Variants in TP63 observed in about 807,000 individuals in gnomAD.
The protein encoded by TP63 is tumor protein p63, also known as tumor protein 63.
Under a neutral mutation model 82.8 loss-of-function variants are expected in TP63, and 17 were observed. The ratio of observed to expected loss-of-function variants is 0.21; its 90% CI spans 0.14 to 0.31. The LOEUF (loss-of-function observed/expected upper bound fraction) is 0.31, where lower values mean the gene tolerates loss of function less well. Among genes scored for constraint, TP63 ranks in the 10% least tolerant of loss-of-function variants. The pLI is 1.00. For missense variants in TP63, 648 were observed against 895.3 expected (o/e 0.72, Z 3.52); for synonymous variants, 330 against 321.7 (o/e 1.03, Z -0.28).
chr3:189,879,409 A>T (rs946631695), intron 10 of TP63, among the ~76,000 whole-genome samples: 4 of 152,200 alleles, frequency 2.6e-5, no homozygotes, highest in African/African-American at 9.7e-5. Context: ...ATATGCATTT[A>T]TAGGCCGAGT....
At position 189,687,906 on chromosome 3, in the gene TP63, C is replaced by A. The variant is rs142379851; in HGVS notation, c.63-49834C>A. ...AACTGTGAAGCAAACAGTTGGAGAT[C>A]CTTTGGAAGGACATCTGTCAAGACT... On this transcript the variant is annotated intron_variant, in intron 1 of 13. Coordinates refer to ENST00000264731, the MANE Select transcript of TP63 (RefSeq NM_003722.5). Among the ~76,000 whole-genome samples the A allele has an allele frequency of 1.5e-3, 232 of 152,100 alleles. 1 individual carries two copies. Among genetic ancestry groups the A allele is most frequent in the African/African-American group, 5.3e-3 (218 of 41,492 alleles).
At chr3:189,620,445 G>T in the TP63 span, among the ~76,000 whole-genome samples, 6 of 143,084 alleles carry the variant, frequency 4.2e-5, no homozygotes, top group Admixed American at 3.1e-4. Flanking sequence ...GGGAGGCGGA[G>T]GTTGCAGTGA....
rs1718039045 is a variant in TP63, at chr3:189,868,725, A to T, written c.1129+9A>T. On this transcript the variant is annotated intron_variant, in intron 8 of 13. Coordinates refer to ENST00000264731, the MANE Select transcript of TP63 (RefSeq NM_003722.5). ...TGATGGTACGAAGCGCCGTAAGTAGATGTAGTGGCCAAATGGGGTAGGGTT... is the reference window on the plus strand; with the variant it reads ...TGATGGTACGAAGCGCCGTAAGTAGTTGTAGTGGCCAAATGGGGTAGGGTT... 1 of 1,613,840 alleles carries T rather than the reference A, an allele frequency of 6.2e-7. No individual in the cohort carries two copies. Among genetic ancestry groups the T allele is most frequent in the Non-Finnish European group, 8.5e-7 (1 of 1,179,870 alleles).
At chr3:189,685,874 A>G (rs1467652553) in intron 1 of TP63, among the ~76,000 whole-genome samples, 1 of 152,206 alleles carries the variant, frequency 6.6e-6, no homozygotes, top group Admixed American at 6.5e-5. Context: ...AGCTTTTTAA[A>G]AGAAGGGAAC....
intron 4 of TP63, among the ~76,000 whole-genome samples, chr3:189,834,888 C>CTTTTTTTTTTTTT (rs10641824): frequency 7.2e-6 from 1 of 138,750 alleles, no homozygotes; most frequent in African/African-American, 2.6e-5. Flanking sequence ...GGTTTTTTTC[C>CTTTTTTTTTTTTT]TTTTTTTTTT....
At chr3:189,709,857 A>G (rs1032061432) in intron 1 of TP63, among the ~76,000 whole-genome samples, 1 of 152,164 alleles carries the variant, frequency 6.6e-6, no homozygotes, top group Non-Finnish European at 1.5e-5. Flanking sequence ...GGTGGGTCAT[A>G]CAACTTAACC....
At chr3:189,743,154 A>G (rs1281480730) in intron 3 of TP63, among the ~76,000 whole-genome samples, 2 of 152,288 alleles carry the variant, frequency 1.3e-5, no homozygotes, top group African/African-American at 2.4e-5. Context: ...AATTTCCCCA[A>G]TTGGAAAAAG....
In TP63 at chr3:189,648,808, C is replaced by A. The variant is rs942176704; in HGVS notation, c.62+17231C>A. On this transcript the variant is annotated intron_variant, in intron 1 of 13. Transcript: ENST00000264731. ...CCCTCATAGTCGTTTAGGACTTTGT[C>A]ATGTAAAACCATTTCACATATAGTA... Among the ~76,000 whole-genome samples, 4 of 146,600 alleles carry A rather than the reference C, an allele frequency of 2.7e-5. 1 individual carries two copies. Among genetic ancestry groups the A allele is most frequent in the African/African-American group, 1.0e-4 (4 of 39,204 alleles).
intron 3 of TP63, among the ~76,000 whole-genome samples, chr3:189,780,045 CTAGAAAAGACAAG>C (rs1724109321): frequency 6.6e-6 from 1 of 151,944 alleles, no homozygotes; most frequent in Non-Finnish European, 1.5e-5. Context: ...AACTGACTGC[CTAGAAAAGACAAG>C]AAATTACAAA....
intron 1 of TP63, among the ~76,000 whole-genome samples, chr3:189,660,808 T>G (rs1033954872): frequency 6.7e-6 from 1 of 149,412 alleles, no homozygotes; most frequent in Non-Finnish European, 1.5e-5. Context: ...TCCTAGGTAT[T>G]TTTGTGTGTG....
chr3:189,764,712 C>T (rs1722812139), intron 3 of TP63, among the ~76,000 whole-genome samples: 1 of 152,158 alleles, frequency 6.6e-6, no homozygotes, highest in Non-Finnish European at 1.5e-5. Flanking sequence ...TACTTATCAT[C>T]CTCCCAAGAA....
chr3:189,668,783 C>T (rs990470530), intron 1 of TP63, among the ~76,000 whole-genome samples: 25 of 152,052 alleles, frequency 1.6e-4, no homozygotes, highest in African/African-American at 5.3e-4. Context: ...GAAGTCAAGG[C>T]GGGAGGATTG....
At chr3:189,790,948 A>G (rs1725072371) in intron 3 of TP63, among the ~76,000 whole-genome samples, 1 of 152,168 alleles carries the variant, frequency 6.6e-6, no homozygotes, top group African/African-American at 2.4e-5. Context: ...CTGTGTAAAT[A>G]CAACAGGGGA....
chr3:189,604,760 T>C, the TP63 span, among the ~76,000 whole-genome samples: 136 of 152,310 alleles, frequency 8.9e-4, no homozygotes, highest in Middle Eastern at 6.8e-3. Context: ...GGCAAAAATA[T>C]TAACAAAATT....
chr3:189,864,472 G>T, intron 5 of TP63, 54 bp downstream of exon 5: 1 of 1,548,020 alleles, frequency 6.5e-7, no homozygotes. Context: ...TCAAGATTCT[G>T]TGGGCATTTT....
chr3:189,864,517 C>T (rs1220918864), intron 5 of TP63, 99 bp downstream of exon 5: 2 of 1,015,312 alleles, frequency 2.0e-6, no homozygotes, highest in Non-Finnish European at 2.8e-6. Context: ...CAGACTTCTG[C>T]ACTCCGATGG....
At chr3:189,889,529 C>G (rs368763333) in intron 12 of TP63, 45 bp downstream of exon 12, 1 of 1,613,740 alleles carries the variant, frequency 6.2e-7, no homozygotes, top group Admixed American at 1.7e-5. Flanking sequence ...CTAAGCATCC[C>G]GGGATGGTGG....
chr3:189,869,947 T>C (rs1718218448), intron 9 of TP63, among the ~76,000 whole-genome samples: 1 of 152,126 alleles, frequency 6.6e-6, no homozygotes, highest in African/African-American at 2.4e-5. Flanking sequence ...ATTAGAATAT[T>C]ATTCTTTCTC....
chr3:189,828,367 C>T (rs1012246387), intron 4 of TP63, among the ~76,000 whole-genome samples: 2 of 152,078 alleles, frequency 1.3e-5, no homozygotes, highest in Admixed American at 6.6e-5. Context: ...ACCTATTTTC[C>T]GTAATTGGGA....
Sources: gnomAD v4.1 joint callset for allele counts (sites outside exome capture counted in the v4.1 genomes callset) on GRCh38, gnomAD v4.1.1 for gene constraint, MANE v1.5 for transcripts, NCBI Gene and HGNC (gene_info 2026-07-23, HGNC 2026-07-21) for gene names.